LIPA: variants seen among roughly 807,000 people sequenced by gnomAD.
The protein encoded by LIPA is lysosomal acid lipase/cholesteryl ester hydrolase.
A neutral mutation model predicts 40.6 loss-of-function variants in LIPA; 26 were observed. That is an observed-to-expected ratio of 0.64 (90% CI 0.47 to 0.89). The LOEUF is 0.89. Among genes scored for constraint, LIPA ranks in the 40% least tolerant of loss-of-function variants. The probability of loss-of-function intolerance (pLI) is 0.00; values close to 1 mark genes in which losing one functional copy is unlikely to be tolerated. For synonymous variants in LIPA, 188 were observed against 168.4 expected (o/e 1.12, Z -0.90); for missense variants, 455 against 479.6 (o/e 0.95, Z 0.48).
At chr10:89,379,580 G>A (rs1454463137) in intron 2 of LIPA, among the ~76,000 whole-genome samples, 2 of 152,208 alleles carry the variant, frequency 1.3e-5, no homozygotes, top group Admixed American at 6.5e-5. Flanking sequence ...GTCAGTGGGA[G>A]AGGAAGAACT....
At chr10:89,379,586 G>A (rs1174612037) in intron 2 of LIPA, among the ~76,000 whole-genome samples, 1 of 152,152 alleles carries the variant, frequency 6.6e-6, no homozygotes, top group East Asian at 1.9e-4. Context: ...GGGAGAGGAA[G>A]AACTTTACAG....
intron 1 of LIPA, among the ~76,000 whole-genome samples, chr10:89,326,696 ATATATCTACTATGTG>A (rs1183165686): frequency 6.6e-6 from 1 of 152,224 alleles, no homozygotes; most frequent in Non-Finnish European, 1.5e-5. Flanking sequence ...CCATAAATAT[ATATATCTACTATGTG>A]TCCACAAAAA....
intron 1 of LIPA, among the ~76,000 whole-genome samples, chr10:89,311,193 G>T (rs1888923): frequency 0.63 from 96,057 of 151,946 alleles, 32,866 homozygotes; most frequent in East Asian, 0.93. Context: ...ATTTTTAAAT[G>T]AAACTTACTA....
intron 1 of LIPA, among the ~76,000 whole-genome samples, chr10:89,299,961 G>T (rs1843435735): frequency 6.6e-6 from 1 of 152,136 alleles, no homozygotes; most frequent in African/African-American, 2.4e-5. Context: ...AAGGATACCT[G>T]CACTCACATG....
intron 1 of LIPA, among the ~76,000 whole-genome samples, chr10:89,327,135 T>C (rs1843607070): frequency 6.6e-6 from 1 of 152,238 alleles, no homozygotes; most frequent in African/African-American, 2.4e-5. Flanking sequence ...AGAAATTCAA[T>C]AGACAATCAT....
At chr10:89,226,772 C>T (rs1842774791) in intron 5 of LIPA, 123 bp downstream of exon 5, 1 of 672,334 alleles carries the variant, frequency 1.5e-6, no homozygotes, top group African/African-American at 1.8e-5. Context: ...TTCATTATTT[C>T]TGTTTGGCAT....
intron 2 of LIPA, among the ~76,000 whole-genome samples, chr10:89,407,733 C>CT (rs1841434856): frequency 2.0e-5 from 3 of 152,126 alleles, no homozygotes; most frequent in Admixed American, 6.5e-5. Flanking sequence ...GCTTAGGACT[C>CT]TAACAGGTTT....
At chr10:89,220,264 G>A (rs934626554) in intron 8 of LIPA, among the ~76,000 whole-genome samples, 1 of 152,166 alleles carries the variant, frequency 6.6e-6, no homozygotes, top group Non-Finnish European at 1.5e-5. Context: ...CACTAAGCTG[G>A]TGGGAAAGCT....
chr10:89,269,052 C>T (rs554932806), intron 1 of LIPA, among the ~76,000 whole-genome samples: 156 of 150,272 alleles, frequency 1.0e-3, no homozygotes, highest in African/African-American at 3.7e-3. Flanking sequence ...GGGCCAGGCA[C>T]GGTGGTTCAC....
chr10:89,372,785 A>G (rs1243264505), intron 2 of LIPA, among the ~76,000 whole-genome samples: 1 of 152,230 alleles, frequency 6.6e-6, no homozygotes, highest in East Asian at 1.9e-4. Flanking sequence ...TTTCAATTGC[A>G]TCTAGAAAAC....
intron 2 of LIPA, among the ~76,000 whole-genome samples, chr10:89,390,372 T>C (rs1012722470): frequency 1.3e-5 from 2 of 152,208 alleles, no homozygotes; most frequent in Non-Finnish European, 2.9e-5. Context: ...AGCATTATTT[T>C]TGAGATTTAC....
chr10:89,353,364 T>C (rs1446667604), intron 2 of LIPA, among the ~76,000 whole-genome samples: 1 of 152,178 alleles, frequency 6.6e-6, no homozygotes, highest in Non-Finnish European at 1.5e-5. Flanking sequence ...AGTGAGCATG[T>C]GCACAATTTC....
chr10:89,334,478 CTTTTTTTTTTTTTTTTTTTTTT>C (rs578154457), intron 1 of LIPA, among the ~76,000 whole-genome samples: 2 of 25,314 alleles, frequency 7.9e-5, no homozygotes, highest in Non-Finnish European at 1.4e-4. Flanking sequence ...TTCTTTTATT[CTTTTTTTTTTTTTTTTTTTTTT>C]TTTTTTTTTT....
At chr10:89,289,729 T>A (rs1415572471) in intron 1 of LIPA, among the ~76,000 whole-genome samples, 3 of 152,176 alleles carry the variant, frequency 2.0e-5, no homozygotes, top group African/African-American at 7.2e-5. Flanking sequence ...AAGTCTCTGT[T>A]TGAACGGATA....
chr10:89,310,490 G>A (rs1843509624), intron 1 of LIPA, among the ~76,000 whole-genome samples: 2 of 152,046 alleles, frequency 1.3e-5, no homozygotes, highest in African/African-American at 4.8e-5. Flanking sequence ...ACCTACATTT[G>A]CCCTATTGCC....
intron 2 of LIPA, among the ~76,000 whole-genome samples, chr10:89,399,863 C>T (rs1242808349): frequency 6.6e-6 from 1 of 152,164 alleles, no homozygotes; most frequent in African/African-American, 2.4e-5. Flanking sequence ...CACCAAAGCT[C>T]ACTCTCTCTC....
upstream of LIPA, among the ~76,000 whole-genome samples, chr10:89,255,627 T>C (rs1843176984): frequency 6.6e-6 from 1 of 152,154 alleles, no homozygotes; most frequent in Non-Finnish European, 1.5e-5. Flanking sequence ...TTTATAAAGT[T>C]GAACCAATAG....
At chr10:89,314,997 T>C (rs755040463) in intron 1 of LIPA, among the ~76,000 whole-genome samples, 1 of 152,216 alleles carries the variant, frequency 6.6e-6, no homozygotes, top group Non-Finnish European at 1.5e-5. Context: ...CAAACATGCA[T>C]GATATAATCT....
intron 2 of LIPA, among the ~76,000 whole-genome samples, chr10:89,382,483 T>G (rs895118118): frequency 1.3e-5 from 2 of 152,222 alleles, no homozygotes; most frequent in African/African-American, 4.8e-5. Flanking sequence ...TCCCACTGAC[T>G]TCATATTATT....
Sources: gnomAD v4.1 joint callset for allele counts (sites outside exome capture counted in the v4.1 genomes callset) on GRCh38, gnomAD v4.1.1 for gene constraint, MANE v1.5 for transcripts, NCBI Gene and HGNC (gene_info 2026-07-23, HGNC 2026-07-21) for gene names.